The following THRB variants were observed in gnomAD, a reference collection of about 807,000 sequenced individuals.
THRB encodes the protein thyroid hormone receptor beta.
In THRB, 12 loss-of-function variants were observed where a neutral mutation model predicts 47.8. That is an observed-to-expected ratio of 0.25 (90% CI 0.16 to 0.41). The LOEUF is 0.41. Ranked by LOEUF, THRB falls within the 10% of genes least tolerant of loss-of-function variation. The probability of loss-of-function intolerance (pLI) is 1.00; values close to 1 mark genes in which losing one functional copy is unlikely to be tolerated. For synonymous variants in THRB, 218 were observed against 212.2 expected (o/e 1.03, Z -0.24); for missense variants, 348 against 589.2 (o/e 0.59, Z 4.24).
At chr3:24,266,848 G>T (rs566453259) in intron 3 of THRB, among the ~76,000 whole-genome samples, 1 of 151,906 alleles carries the variant, frequency 6.6e-6, no homozygotes, top group African/African-American at 2.4e-5. Context: ...AAGATGAAAA[G>T]ATATAACATG....
chr3:24,191,539 C>T (rs2043346596), intron 4 of THRB, among the ~76,000 whole-genome samples: 1 of 152,114 alleles, frequency 6.6e-6, no homozygotes, highest in East Asian at 1.9e-4. Context: ...GTGCACAGCA[C>T]ACTGAATTTT....
At chr3:24,427,073 T>C (rs190009861) in intron 1 of THRB, among the ~76,000 whole-genome samples, 48 of 152,068 alleles carry the variant, frequency 3.2e-4, no homozygotes, top group African/African-American at 9.6e-4. Flanking sequence ...CCATTCATCA[T>C]TGACATGTGA....
intron 1 of THRB, among the ~76,000 whole-genome samples, chr3:24,474,076 T>C (rs1695098547): frequency 6.6e-6 from 1 of 152,226 alleles, no homozygotes; most frequent in Non-Finnish European, 1.5e-5. Context: ...AACCTGCATG[T>C]TCTGCACATG....
At chr3:24,348,442 A>ACCC (rs2063158764) in intron 1 of THRB, 1 of 151,064 alleles carries the variant, frequency 6.6e-6, no homozygotes, top group East Asian at 1.9e-4. Context: ...ATTCAAACAC[A>ACCC]CCAATGAAAT....
intron 1 of THRB, among the ~76,000 whole-genome samples, chr3:24,471,499 T>C (rs193096501): frequency 3.3e-5 from 5 of 152,334 alleles, no homozygotes; most frequent in East Asian, 1.9e-4. Flanking sequence ...TAAATCCTTT[T>C]TCAGGCCTTC....
At chr3:24,351,957 C>G (rs2063383035) in intron 1 of THRB, among the ~76,000 whole-genome samples, 1 of 152,174 alleles carries the variant, frequency 6.6e-6, no homozygotes. Flanking sequence ...CTGAGAAACA[C>G]AAAGACACTT....
chr3:24,358,829 A>G (rs1036661516), intron 1 of THRB, among the ~76,000 whole-genome samples: 3 of 152,168 alleles, frequency 2.0e-5, no homozygotes, highest in Non-Finnish European at 2.9e-5. Flanking sequence ...TTCCCTTAAT[A>G]TTTTACTGAG....
chr3:24,442,188 T>G (rs1441827384), intron 1 of THRB, among the ~76,000 whole-genome samples: 1 of 152,256 alleles, frequency 6.6e-6, no homozygotes, highest in Non-Finnish European at 1.5e-5. Flanking sequence ...CTATACCTTG[T>G]ATCCTCAAGA....
chr3:24,196,330 G>C (rs1375530243), intron 4 of THRB, among the ~76,000 whole-genome samples: 2 of 152,024 alleles, frequency 1.3e-5, no homozygotes, highest in Non-Finnish European at 2.9e-5. Context: ...GTGGTCATTA[G>C]AGAGGCCAAA....
chr3:24,473,014 A>G (rs1475843231), intron 1 of THRB, among the ~76,000 whole-genome samples: 4 of 152,180 alleles, frequency 2.6e-5, no homozygotes, highest in African/African-American at 9.6e-5. Flanking sequence ...GCTCTTATAT[A>G]CAATCTACTT....
At chr3:24,138,379 GAATAAGATGGTGGCA>G (rs2034978999) in intron 8 of THRB, among the ~76,000 whole-genome samples, 1 of 152,126 alleles carries the variant, frequency 6.6e-6, no homozygotes, top group Non-Finnish European at 1.5e-5. Context: ...GGATGAGCAG[GAATAAGATGGTGGCA>G]GTGCGGGGTG....
chr3:24,434,631 G>A (rs576046176), intron 1 of THRB, among the ~76,000 whole-genome samples: 18 of 152,298 alleles, frequency 1.2e-4, no homozygotes, highest in African/African-American at 3.8e-4. Context: ...GACTCAGACA[G>A]CACTCAGTTG....
chr3:24,221,762 A>G (rs2047184039), intron 4 of THRB, among the ~76,000 whole-genome samples: 1 of 152,200 alleles, frequency 6.6e-6, no homozygotes, highest in African/African-American at 2.4e-5. Context: ...AAGTTGTTCT[A>G]GAAGTAATTG....
At chr3:24,187,244 C>T (rs1357853380) in intron 5 of THRB, among the ~76,000 whole-genome samples, 1 of 152,174 alleles carries the variant, frequency 6.6e-6, no homozygotes, top group Admixed American at 6.5e-5. Flanking sequence ...GTGGCAATGT[C>T]AAACTGCTAT....
At chr3:24,389,092 G>A (rs1467037023) in intron 1 of THRB, among the ~76,000 whole-genome samples, 1 of 152,134 alleles carries the variant, frequency 6.6e-6, no homozygotes, top group Non-Finnish European at 1.5e-5. Flanking sequence ...TTTTCCTGAC[G>A]CACAGAAAGA....
chr3:24,385,399 A>G (rs1031920387), intron 1 of THRB, among the ~76,000 whole-genome samples: 1 of 151,210 alleles, frequency 6.6e-6, no homozygotes, highest in South Asian at 2.1e-4. Context: ...CTACACTGCA[A>G]TTCACACACA....
At chr3:24,188,677 T>G (rs946578084) in intron 5 of THRB, among the ~76,000 whole-genome samples, 2 of 152,000 alleles carry the variant, frequency 1.3e-5, no homozygotes, top group Non-Finnish European at 2.9e-5. Context: ...CATACAATGT[T>G]GAGATACAAT....
chr3:24,325,852 G>C (rs900804526), intron 2 of THRB, among the ~76,000 whole-genome samples: 1 of 152,060 alleles, frequency 6.6e-6, no homozygotes, highest in Non-Finnish European at 1.5e-5. Flanking sequence ...TCATAATATA[G>C]CAACAGTCCA....
intron 4 of THRB, among the ~76,000 whole-genome samples, chr3:24,203,134 C>T (rs1054431890): frequency 5.3e-5 from 8 of 152,188 alleles, no homozygotes; most frequent in Admixed American, 1.3e-4. Flanking sequence ...GAAGCCCAGC[C>T]GGGCGCAGTG....
Sources: gnomAD v4.1 joint callset for allele counts (sites outside exome capture counted in the v4.1 genomes callset) on GRCh38, gnomAD v4.1.1 for gene constraint, MANE v1.5 for transcripts, NCBI Gene and HGNC (gene_info 2026-07-23, HGNC 2026-07-21) for gene names.